The following KATNAL2 variants were observed in gnomAD, a reference collection of about 807,000 sequenced individuals.
KATNAL2 encodes the protein katanin catalytic subunit A1 like 2.
A neutral mutation model predicts 76.3 loss-of-function variants in KATNAL2; 52 were observed. The observed-to-expected ratio is 0.68, with a 90% CI of 0.55 to 0.86. The LOEUF (loss-of-function observed/expected upper bound fraction) is 0.86. Ranked by LOEUF, KATNAL2 falls within the 40% of genes least tolerant of loss-of-function variation. The probability of loss-of-function intolerance (pLI) is 0.00; values close to 1 mark genes in which losing one functional copy is unlikely to be tolerated. For missense variants in KATNAL2, 660 were observed against 668.9 expected, an observed-to-expected ratio of 0.99 and a Z score of 0.15; for synonymous variants, 243 against 244.2, an observed-to-expected ratio of 1.00 and a Z score of 0.05.
intron 15 of KATNAL2, chr18:47,098,221 C>CAAA (rs35678878): frequency 6.4e-4 from 199 of 309,826 alleles, no homozygotes; most frequent in South Asian, 7.7e-4. Flanking sequence ...GACTCCGTCT[C>CAAA]AAAAAAAAAA....
chr18:46,965,846 A>C (rs1200511385), intron 3 of KATNAL2, among the ~76,000 whole-genome samples: 72 of 139,646 alleles, frequency 5.2e-4, no homozygotes, highest in Non-Finnish European at 8.8e-4. Flanking sequence ...TGGGCAGCCG[A>C]GTTCCACTCT....
intron 3 of KATNAL2, chr18:47,032,938 A>C: frequency 6.2e-7 from 1 of 1,611,678 alleles, no homozygotes; most frequent in Non-Finnish European, 8.5e-7. Context: ...TTCGTTCCCC[A>C]ACCCGCATTG....
intron 3 of KATNAL2, chr18:47,034,731 G>A: frequency 6.2e-7 from 1 of 1,613,020 alleles, no homozygotes; most frequent in Non-Finnish European, 8.5e-7. Context: ...CGGGCATCCG[G>A]AGGGGAGCTG....
At chr18:47,060,297 G>A (rs115104842) in intron 8 of KATNAL2, among the ~76,000 whole-genome samples, 2,730 of 152,242 alleles carry the variant, frequency 0.018, 47 homozygotes, top group African/African-American at 0.049. Context: ...AGTTGGAAAC[G>A]CATACTCATT....
At chr18:47,081,124 A>G (rs2062497113) in intron 15 of KATNAL2, among the ~76,000 whole-genome samples, 2 of 145,770 alleles carry the variant, frequency 1.4e-5, no homozygotes, top group Non-Finnish European at 3.0e-5. Flanking sequence ...CTCTCTATCC[A>G]TCACTTTCTT....
In KATNAL2 at chr18:47,101,224, A is replaced by T. The variant is rs1568034892; in HGVS notation, c.*219A>T. ...TATTGAGAGTTTCAGTTACATACAT[A>T]TATGTGCTATTGGGTCATACAATGG... On this transcript the variant is annotated 3_prime_UTR_variant, in exon 18 of 18. Coordinates refer to ENST00000683218, the MANE Select transcript of KATNAL2 (RefSeq NM_001387690.1). The T allele has an allele frequency of 1.9e-6, 1 of 514,570 alleles. No individual in the cohort carries two copies. The highest frequency in any genetic ancestry group is 3.2e-5 in the Admixed American group (1 of 31,720). 31.9% of individuals were successfully genotyped at this position (514,570 alleles called of 1,614,324 possible).
intron 17 of KATNAL2, 24 bp downstream of exon 17, chr18:47,100,380 G>A: frequency 1.3e-6 from 2 of 1,581,800 alleles, no homozygotes; most frequent in Non-Finnish European, 1.7e-6. Flanking sequence ...CACCATGAAG[G>A]TGTTCCAGGA....
At chr18:47,088,306 C>T (rs1334446455) in intron 15 of KATNAL2, among the ~76,000 whole-genome samples, 1 of 152,156 alleles carries the variant, frequency 6.6e-6, no homozygotes, top group South Asian at 2.1e-4. Context: ...AGGTCCCTAG[C>T]TAGCCAGTCC....
intron 16 of KATNAL2, among the ~76,000 whole-genome samples, chr18:47,099,657 T>C (rs909975931): frequency 2.6e-4 from 39 of 152,340 alleles, no homozygotes; most frequent in African/African-American, 9.4e-4. Flanking sequence ...GGTCAAATCC[T>C]GGCCCTGCTG....
intron 15 of KATNAL2, among the ~76,000 whole-genome samples, chr18:47,083,950 G>A (rs925203353): frequency 3.9e-5 from 6 of 152,124 alleles, no homozygotes; most frequent in Non-Finnish European, 8.8e-5. Flanking sequence ...TTTGTAAAAG[G>A]GCTAGAAATC....
At chr18:46,939,717 T>C (rs1337218693) in intron 1 of KATNAL2, among the ~76,000 whole-genome samples, 1 of 152,198 alleles carries the variant, frequency 6.6e-6, no homozygotes, top group South Asian at 2.1e-4. Context: ...TTGAGCTGAT[T>C]GATGTGTAGG....
intron 4 of KATNAL2, 72 bp from the exon 5 acceptor site, chr18:47,052,808 C>T (rs558990607): frequency 9.0e-5 from 108 of 1,204,306 alleles, no homozygotes; most frequent in Non-Finnish European, 1.1e-4. Context: ...TCCCTTTAGA[C>T]TTGTAATGCC....
intron 15 of KATNAL2, among the ~76,000 whole-genome samples, chr18:47,081,660 C>T (rs772000656): frequency 9.2e-5 from 14 of 152,272 alleles, no homozygotes; most frequent in Non-Finnish European, 1.3e-4. Flanking sequence ...ATTTCACCCT[C>T]GGAATTTAAG....
chr18:47,040,471 A>C (rs1230359435), intron 3 of KATNAL2, among the ~76,000 whole-genome samples: 7 of 152,256 alleles, frequency 4.6e-5, no homozygotes, highest in Non-Finnish European at 1.0e-4. Context: ...CCTAGAAGCC[A>C]AGATTCTGCT....
intron 3 of KATNAL2, among the ~76,000 whole-genome samples, chr18:47,032,233 T>A (rs2060500319): frequency 6.6e-6 from 1 of 152,232 alleles, no homozygotes; most frequent in African/African-American, 2.4e-5. Context: ...AATCCGATAG[T>A]TCCTTTTTTC....
chr18:47,031,438 G>C (rs563085980), intron 3 of KATNAL2, among the ~76,000 whole-genome samples: 1 of 151,782 alleles, frequency 6.6e-6, no homozygotes, highest in African/African-American at 2.4e-5. Context: ...TGTGTGTGTT[G>C]TGGTGGGGGC....
chr18:47,072,261 C>T (rs2062034821), intron 13 of KATNAL2, among the ~76,000 whole-genome samples: 1 of 151,854 alleles, frequency 6.6e-6, no homozygotes, highest in Non-Finnish European at 1.5e-5. Context: ...CAGCCTCTTC[C>T]TTTCTTTTAC....
chr18:46,927,989 AT>A (rs1050409976), intron 1 of KATNAL2, among the ~76,000 whole-genome samples: 16 of 151,670 alleles, frequency 1.1e-4, no homozygotes, highest in African/African-American at 3.9e-4. Flanking sequence ...CATTCGTCTA[AT>A]TTTTTTTCAA....
intron 10 of KATNAL2, among the ~76,000 whole-genome samples, chr18:47,065,748 C>T (rs1479328732): frequency 6.6e-6 from 1 of 151,936 alleles, no homozygotes; most frequent in East Asian, 1.9e-4. Context: ...CTTTGGGAGG[C>T]CGAGGCAGAA....
Sources: gnomAD v4.1 joint callset for allele counts (sites outside exome capture counted in the v4.1 genomes callset) on GRCh38, gnomAD v4.1.1 for gene constraint, MANE v1.5 for transcripts, NCBI Gene and HGNC (gene_info 2026-07-23, HGNC 2026-07-21) for gene names.